KDM3B: variants seen among roughly 807,000 people sequenced by gnomAD.
KDM3B encodes lysine-specific demethylase 3B.
Under a neutral mutation model 170.0 loss-of-function variants are expected in KDM3B, and 10 were observed. The ratio of observed to expected loss-of-function variants is 0.06; its 90% CI spans 0.04 to 0.10. The LOEUF (loss-of-function observed/expected upper bound fraction) is 0.10. Ranked by LOEUF, KDM3B falls within the 10% of genes least tolerant of loss-of-function variation. KDM3B has a pLI of 1.00. For synonymous variants in KDM3B, 831 were observed against 834.8 expected, an observed-to-expected ratio of 1.00 and a Z score of 0.08; for missense variants, 1,394 against 2,195.2, an observed-to-expected ratio of 0.64 and a Z score of 7.29.
chr5:138,353,337 A>T (rs1299128357), intron 1 of KDM3B, among the ~76,000 whole-genome samples: 3 of 152,184 alleles, frequency 2.0e-5, no homozygotes, highest in Non-Finnish European at 4.4e-5. Flanking sequence ...GAGTTCGGCC[A>T]GTGTTGCCGC....
intron 1 of KDM3B, among the ~76,000 whole-genome samples, chr5:138,358,345 C>T (rs1320154034): frequency 7.8e-6 from 1 of 128,430 alleles, no homozygotes; most frequent in Non-Finnish European, 1.6e-5. Flanking sequence ...TGTTCTGTTG[C>T]CCAGGCTGGA....
At chr5:138,370,559 A>G (rs756819959) in intron 1 of KDM3B, among the ~76,000 whole-genome samples, 1 of 152,212 alleles carries the variant, frequency 6.6e-6, no homozygotes, top group Non-Finnish European at 1.5e-5. Context: ...CTGTGGTAAA[A>G]TACACATAAA....
In KDM3B at chr5:138,419,071, A is replaced by G. The variant is rs747720324; in HGVS notation, c.3554A>G (p.Asp1185Gly). 16 of 1,614,112 alleles carry G rather than the reference A, an allele frequency of 9.9e-6. No homozygotes were observed. In the Admixed American group the frequency reaches 2.5e-4, roughly 25 times the overall value. Reference sequence around the variant, plus strand: ...CATGTTCCCAAAGCCGACAGCACTGACATCAGATCTGAAGAGCCTCTGAAA... The same window carrying G: ...CATGTTCCCAAAGCCGACAGCACTGGCATCAGATCTGAAGAGCCTCTGAAA... Reference protein sequence around the residue: ...PDHVPKADSTDIRSEEPLKTD... With the variant: ...PDHVPKADSTGIRSEEPLKTD... Residue 1185 changes from aspartate to glycine, a missense_variant, in exon 14 of 24, where the codon GAC becomes GGC. Around this residue, in one of 19 missense-constraint regions of KDM3B, gnomAD observed 87 missense variants for 83.3 expected, o/e 1.04. Transcript: ENST00000314358.
At chr5:138,364,048 C>G (rs1761684238) in intron 1 of KDM3B, among the ~76,000 whole-genome samples, 1 of 151,900 alleles carries the variant, frequency 6.6e-6, no homozygotes, top group Admixed American at 6.6e-5. Flanking sequence ...TCCCAAGTAG[C>G]TGGGATTACA....
intron 23 of KDM3B, among the ~76,000 whole-genome samples, chr5:138,434,362 A>C (rs1359462522): frequency 6.6e-6 from 1 of 152,108 alleles, no homozygotes; most frequent in Non-Finnish European, 1.5e-5. Flanking sequence ...AGCCTGGCCA[A>C]TATGGCGAAA....
Position 138,420,785 on chromosome 5 carries a change from G to T in KDM3B, c.3795G>T (p.Lys1265Asn). The T allele has an allele frequency of 1.2e-6, 2 of 1,614,122 alleles. No homozygotes were observed. The highest frequency in any genetic ancestry group is 1.7e-6 in the Non-Finnish European group (2 of 1,180,034). ...TGGACTCGTTCAACTCCACTGCAAA[G>T]GTCTCTCCGCTGACTCCAAAGCTTT... ...FGLDSFNSTA[K>N]VSPLTPKLFN... The change falls in exon 15 of 24, where the codon AAG (lysine) becomes AAT (asparagine). Residue 1265 changes from lysine (K) to asparagine (N), a missense_variant. By Grantham distance (94) the Lys-to-Asn change is moderately conservative. This residue lies in a region of KDM3B where 137 missense variants were observed against 166.9 expected (regional missense o/e 0.82). Transcript: ENST00000314358.
chr5:138,390,978 G>C, intron 7 of KDM3B, 35 bp from the exon 8 acceptor site: 7 of 1,513,018 alleles, frequency 4.6e-6, no homozygotes, highest in Non-Finnish European at 6.2e-6. Context: ...GTCATGAGAA[G>C]CCAGCATCAC....
In KDM3B at chr5:138,386,492, A is replaced by G; in HGVS notation, c.1251A>G (p.Ile417Met). The G allele has an allele frequency of 6.2e-7, 1 of 1,614,216 alleles. No individual in the cohort carries two copies. Among genetic ancestry groups the G allele is most frequent in the Non-Finnish European group, 8.5e-7 (1 of 1,180,040 alleles). The change falls in exon 7 of 24, where the codon ATA (isoleucine) becomes ATG (methionine). Residue 417 changes from isoleucine (I) to methionine (M), a missense_variant. Around this residue, in one of 19 missense-constraint regions of KDM3B, gnomAD observed 205 missense variants for 227.6 expected, o/e 0.90. Transcript: ENST00000314358. ...CACTGGAACAAGTTGGCCAGGGCAT[A>G]GTGGCTTCCGCAGCTGTGGTCACTA... ...GKTLEQVGQG[I>M]VASAAVVTTA... is the part of the protein sequence containing the mutation.
At chr5:138,353,735 T>C (rs1761388158) in intron 1 of KDM3B, among the ~76,000 whole-genome samples, 1 of 152,200 alleles carries the variant, frequency 6.6e-6, no homozygotes, top group African/African-American at 2.4e-5. Context: ...AGGTTTTGTT[T>C]TGAAACTTTG....
chr5:138,426,852 G>A (rs1269926089), intron 17 of KDM3B, 123 bp from the exon 18 acceptor site: 2 of 687,942 alleles, frequency 2.9e-6, no homozygotes, highest in African/African-American at 2.1e-5. Flanking sequence ...GACAGAGCAA[G>A]ACTCTGTCTC....
rs898950522 is a variant in KDM3B, at chr5:138,423,713, A to G, written c.3973-362A>G. Among the ~76,000 whole-genome samples, 5 of 152,290 alleles carry G rather than the reference A, an allele frequency of 3.3e-5. No individual in the cohort carries two copies. The East Asian group carries it at 9.6e-4, about 29-fold the overall frequency. ...GGTTAGGAAAAATTTAGAACCCTCA[A>G]ACTGAGTGACCTTTTTACACTCAGT... On this transcript the variant is annotated intron_variant, in intron 15 of 23. Transcript: ENST00000314358.
intron 14 of KDM3B, 27 bp from the exon 15 acceptor site, chr5:138,420,679 A>G (rs777423895): frequency 6.2e-7 from 1 of 1,611,998 alleles, no homozygotes; most frequent in Non-Finnish European, 8.5e-7. Flanking sequence ...TTTGTACCTA[A>G]TGCTGTTCCT....
intron 1 of KDM3B, among the ~76,000 whole-genome samples, chr5:138,365,343 T>C (rs998990200): frequency 6.6e-6 from 1 of 152,134 alleles, no homozygotes; most frequent in Non-Finnish European, 1.5e-5. Context: ...CTGCAACCTC[T>C]GCCTCCGGGG....
chr5:138,371,388 C>A (rs1045616767), intron 1 of KDM3B, among the ~76,000 whole-genome samples: 2 of 146,472 alleles, frequency 1.4e-5, no homozygotes, highest in African/African-American at 5.1e-5. Context: ...CCTAGGAAGT[C>A]GAGGCTGTAG....
chr5:138,354,274 C>A (rs1252791399), intron 1 of KDM3B, among the ~76,000 whole-genome samples: 1 of 152,016 alleles, frequency 6.6e-6, no homozygotes, highest in East Asian at 1.9e-4. Flanking sequence ...TTTATAAGGC[C>A]TCAGTGGGGC....
chr5:138,413,206 C>T (rs1763018380), intron 11 of KDM3B, among the ~76,000 whole-genome samples: 2 of 151,944 alleles, frequency 1.3e-5, no homozygotes, highest in African/African-American at 2.4e-5. Flanking sequence ...TAACATTGAA[C>T]CCCTGTCTCT....
At chr5:138,376,222 C>T (rs952742900) in intron 3 of KDM3B, among the ~76,000 whole-genome samples, 10 of 152,038 alleles carry the variant, frequency 6.6e-5, no homozygotes, top group Non-Finnish European at 8.8e-5. Flanking sequence ...AAGTGATCCA[C>T]CTGCTTTGCC....
At chr5:138,381,857 G>A (rs1762133468) in intron 6 of KDM3B, 1 of 378,522 alleles carries the variant, frequency 2.6e-6, no homozygotes, top group Admixed American at 4.1e-5. Flanking sequence ...TATTCTGTCA[G>A]GACAGGTATA....
chr5:138,434,001 A>C (rs906350667), intron 23 of KDM3B, among the ~76,000 whole-genome samples: 1 of 152,128 alleles, frequency 6.6e-6, no homozygotes, highest in Admixed American at 6.5e-5. Flanking sequence ...CGGCTTCCCA[A>C]AATGCTGAGA....
Sources: gnomAD v4.1 joint callset for allele counts (sites outside exome capture counted in the v4.1 genomes callset) on GRCh38, gnomAD v4.1.1 for gene constraint, gnomAD v4.1.1 regional missense constraint, MANE v1.5 for transcripts, NCBI Gene and HGNC (gene_info 2026-07-23, HGNC 2026-07-21) for gene names.